FOXK2: variants seen among roughly 807,000 people sequenced by gnomAD.
The protein encoded by FOXK2 is forkhead box protein K2.
A neutral mutation model predicts 53.3 loss-of-function variants in FOXK2; 24 were observed. That is an observed-to-expected ratio of 0.45 (90% CI 0.33 to 0.63). FOXK2 has a LOEUF of 0.63. Among genes scored for constraint, FOXK2 ranks in the 30% least tolerant of loss-of-function variants. The probability of loss-of-function intolerance (pLI) is 0.03; values close to 1 mark genes in which losing one functional copy is unlikely to be tolerated. For missense variants in FOXK2, 952 were observed against 910.5 expected (o/e 1.05, Z -0.59); for synonymous variants, 505 against 407.1 (o/e 1.24, Z -2.89).
chr17:82,583,926 C>T (rs2045099026), intron 5 of FOXK2, 87 bp from the exon 6 acceptor site: 2 of 1,386,200 alleles, frequency 1.4e-6, no homozygotes, highest in Non-Finnish European at 1.9e-6. Flanking sequence ...AATGACACCC[C>T]CTTTGCAAAG....
At chr17:82,542,247 C>T (rs908905193) in intron 1 of FOXK2, among the ~76,000 whole-genome samples, 3 of 151,486 alleles carry the variant, frequency 2.0e-5, no homozygotes, top group Non-Finnish European at 2.9e-5. Context: ...CTGCAACCTC[C>T]GCCTCCTGGG....
chr17:82,548,582 GCC>G (rs899339543), intron 1 of FOXK2, among the ~76,000 whole-genome samples: 8 of 152,144 alleles, frequency 5.3e-5, no homozygotes, highest in African/African-American at 1.9e-4. Context: ...TCCATCCTTT[GCC>G]CTGTTTGTTG....
intron 3 of FOXK2, among the ~76,000 whole-genome samples, chr17:82,569,947 C>T (rs143166933): frequency 0.014 from 2,161 of 151,380 alleles, 44 homozygotes; most frequent in African/African-American, 0.05. Context: ...ATAGGCTGGG[C>T]GCAGTGGCTC....
chr17:82,596,173 C>G, intron 8 of FOXK2: 1 of 1,005,820 alleles, frequency 9.9e-7, no homozygotes, highest in South Asian at 3.9e-5. Flanking sequence ...GGGGTTTGCC[C>G]AGCTCACACC....
chr17:82,582,722 A>AT lies in FOXK2; in HGVS notation c.910-12dup, dbSNP rs752253093. The AT allele has an allele frequency of 1.3e-4, 203 of 1,541,986 alleles. No individual in the cohort carries two copies. The highest frequency in any genetic ancestry group is 1.2e-4 in the Non-Finnish European group (135 of 1,143,574). On this transcript the variant is annotated intron_variant, in intron 4 of 8. Transcript: ENST00000335255. ...GCAAATAAATATATGAATTCTACGT[A>AT]TTTTTTTATGTTTCATAGAATTCAA... is the stretch of plus-strand genomic sequence containing the variant.
intron 1 of FOXK2, among the ~76,000 whole-genome samples, chr17:82,546,094 C>A (rs888083234): frequency 7.0e-6 from 1 of 143,098 alleles, no homozygotes; most frequent in Non-Finnish European, 1.5e-5. Context: ...TATGTGCTTA[C>A]TTGCTACCAA....
chr17:82,522,041 CTT>C (rs924582731), intron 1 of FOXK2, among the ~76,000 whole-genome samples: 16 of 107,264 alleles, frequency 1.5e-4, no homozygotes, highest in African/African-American at 2.8e-4. Context: ...TTTAATCTGA[CTT>C]TTTTTTTTTT....
Position 82,591,915 on chromosome 17 carries a change from T to C in FOXK2, c.1786+4643T>C, listed in dbSNP as rs374803603. Among the ~76,000 whole-genome samples, 8 of 152,230 alleles carry C rather than the reference T, an allele frequency of 5.3e-5. 1 individual carries two copies. Among genetic ancestry groups the C allele is most frequent in the East Asian group, 1.9e-4 (1 of 5,192 alleles). ...GTCAATGACTTCATCTTTGCTGCTG[T>C]TGTTTTGAGATACTGTCTTGCTCTG... is the stretch of plus-strand genomic sequence containing the variant. On this transcript the variant is annotated intron_variant, in intron 8 of 8. Coordinates refer to ENST00000335255, the MANE Select transcript of FOXK2 (RefSeq NM_004514.4).
At position 82,586,082 on chromosome 17, in the gene FOXK2, C is replaced by T. The variant is rs148659399; in HGVS notation, c.1458C>T (p.Ala486=). The change falls in exon 7 of 9, where the codon GCC becomes GCT. Residue 486 remains alanine, a synonymous_variant. Coordinates refer to ENST00000335255, the MANE Select transcript of FOXK2 (RefSeq NM_004514.4). ...QIPAVSVTSV[A]GLAPANTYTV... Reference sequence around the variant, plus strand: ...CAGCGGTGTCGGTCACCAGTGTGGCCGGACTGGCCCCAGCGAACACGTACA... The same window carrying T: ...CAGCGGTGTCGGTCACCAGTGTGGCTGGACTGGCCCCAGCGAACACGTACA... 5.5e-4 allele frequency: 889 copies of T among 1,612,754 alleles called. 8 individuals carry two copies. The South Asian group carries it at 5.8e-3, about 11-fold the overall frequency.
chr17:82,573,934 C>T (rs995307295), intron 4 of FOXK2, among the ~76,000 whole-genome samples: 1 of 152,234 alleles, frequency 6.6e-6, no homozygotes, highest in African/African-American at 2.4e-5. Context: ...TTTGGGGGGG[C>T]CCAAGTCAGG....
intron 8 of FOXK2, among the ~76,000 whole-genome samples, chr17:82,598,100 G>C (rs2045336901): frequency 6.8e-6 from 1 of 146,118 alleles, no homozygotes; most frequent in Middle Eastern, 3.7e-3. Flanking sequence ...CTAGGTGTTG[G>C]GAACCTTCTG....
At chr17:82,553,222 C>A (rs1396750375) in intron 1 of FOXK2, among the ~76,000 whole-genome samples, 1 of 152,260 alleles carries the variant, frequency 6.6e-6, no homozygotes, top group African/African-American at 2.4e-5. Flanking sequence ...AGGCGTGAGC[C>A]ACCGTGCCCA....
chr17:82,557,086 A>G (rs151295119), intron 1 of FOXK2, among the ~76,000 whole-genome samples: 6,997 of 148,562 alleles, frequency 0.047, 221 homozygotes, highest in Middle Eastern at 0.1. Context: ...CTGGAGTGCA[A>G]TGGTGTGATG....
Position 82,582,752 on chromosome 17 carries a change from C to T in FOXK2, c.921C>T (p.Arg307=), listed in dbSNP as rs1366527085. 6 of 1,584,004 alleles carry T rather than the reference C, an allele frequency of 3.8e-6. No individual in the cohort carries two copies. Among genetic ancestry groups the T allele is most frequent in the South Asian group, 3.5e-5 (3 of 85,784 alleles). Residue 307 remains arginine, a synonymous_variant, in exon 5 of 9, where the codon CGC becomes CGT. Transcript: ENST00000335255. The part of the protein sequence containing the change: ...TADKGWQNSI[R]HNLSLNRYFI... ...TTTATGTTTCATAGAATTCAATTCGCCACAATCTCTCTCTGAATCGTTATT... is the reference window on the plus strand; with the variant it reads ...TTTATGTTTCATAGAATTCAATTCGTCACAATCTCTCTCTGAATCGTTATT...
intron 4 of FOXK2, among the ~76,000 whole-genome samples, chr17:82,579,018 T>C (rs2045024690): frequency 6.6e-6 from 1 of 152,222 alleles, no homozygotes; most frequent in African/African-American, 2.4e-5. Flanking sequence ...TGTTGACTGT[T>C]GTCTGTTCTT....
chr17:82,585,952 T>A lies in FOXK2; in HGVS notation c.1328T>A (p.Leu443Gln). 1.2e-6 allele frequency: 2 copies of A among 1,612,718 alleles called. No individual in the cohort carries two copies. Among genetic ancestry groups the A allele is most frequent in the Non-Finnish European group, 1.7e-6 (2 of 1,179,886 alleles). The part of the protein sequence containing the change: ...QPVLITVQRQ[L>Q]PQAIKPVTYT... ...GTCTTAATCACCGTCCAGCGGCAGC[T>A]ACCACAGGCCATCAAGCCTGTCACC... The change falls in exon 7 of 9, where the codon CTA becomes CAA. Residue 443 changes from leucine (L) to glutamine (Q), a missense_variant. Transcript: ENST00000335255.
At chr17:82,571,623 C>CAG in intron 3 of FOXK2, 101 bp from the exon 4 acceptor site, 2 of 1,208,786 alleles carry the variant, frequency 1.7e-6, no homozygotes, top group Non-Finnish European at 2.2e-6. Context: ...AATGAGGTAT[C>CAG]AGAGGAACAC....
In FOXK2 at chr17:82,519,914, C is replaced by A; in HGVS notation, c.26C>A (p.Ser9Ter). 1 of 978,180 alleles carries A rather than the reference C, an allele frequency of 1.0e-6. No individual in the cohort carries two copies. The highest frequency in any genetic ancestry group is 4.7e-5 in the South Asian group (1 of 21,372). The allele number at this position is 978,180 out of a possible 1,614,324, so 60.6% of individuals were successfully genotyped here. The part of the protein sequence containing the change: MAAAAAAL[S>*]GAGTPPAGGG... The stretch of plus-strand genomic sequence containing the variant: ...ATGGCGGCGGCCGCGGCGGCGCTCT[C>A]GGGCGCGGGCACGCCACCCGCGGGC... Residue 9 changes from serine to a stop codon, truncating the protein, a stop_gained, in exon 1 of 9, where the codon TCG becomes TAG. Transcript: ENST00000335255. LOFTEE classifies it high-confidence loss of function.
intron 8 of FOXK2, chr17:82,596,252 A>G (rs2045309356): frequency 1.0e-6 from 1 of 973,624 alleles, no homozygotes. Context: ...TCACGTTACT[A>G]GGGCAGTTGT....
Sources: allele counts gnomAD v4.1 joint callset (sites outside exome capture counted in the v4.1 genomes callset), GRCh38; gene constraint gnomAD v4.1.1; transcripts MANE v1.5; gene names NCBI Gene and HGNC (gene_info 2026-07-23, HGNC 2026-07-21).